HMGB1: variants seen among roughly 807,000 people sequenced by gnomAD.
HMGB1 encodes high mobility group box 1, also known as high mobility group protein B1.
For missense variants in HMGB1, 79 were observed against 253.5 expected, an observed-to-expected ratio of 0.31 and a Z score of 4.67; for synonymous variants, 81 against 84.0, an observed-to-expected ratio of 0.96 and a Z score of 0.19.
chr13:30,584,385 A>G (rs1253395360), intron 1 of HMGB1, among the ~76,000 whole-genome samples: 1 of 152,200 alleles, frequency 6.6e-6, no homozygotes, highest in Non-Finnish European at 1.5e-5. Context: ...TAGCGAAAGT[A>G]TTTATCCCAG....
chr13:30,554,531 C>T (rs1326967890), intron 1 of HMGB1: 10 of 850,050 alleles, frequency 1.2e-5, no homozygotes, highest in East Asian at 4.9e-5. Flanking sequence ...TATACAGAAA[C>T]GGTGGAAAGA....
chr13:30,485,711 C>T (rs1368542115), intron 1 of HMGB1, among the ~76,000 whole-genome samples: 1 of 152,138 alleles, frequency 6.6e-6, no homozygotes, highest in Admixed American at 6.5e-5. Flanking sequence ...GGTGAACCTA[C>T]AAGACTAGAA....
intron 1 of HMGB1, among the ~76,000 whole-genome samples, chr13:30,604,180 T>C (rs1190103587): frequency 6.6e-6 from 1 of 152,060 alleles, no homozygotes; most frequent in African/African-American, 2.4e-5. Flanking sequence ...GTATGTAAAT[T>C]GGTCAGGAAG....
At chr13:30,602,926 C>T (rs1486251104) in intron 1 of HMGB1, among the ~76,000 whole-genome samples, 1 of 152,200 alleles carries the variant, frequency 6.6e-6, no homozygotes, top group Non-Finnish European at 1.5e-5. Context: ...ACCTCAGCCT[C>T]CCAAGGAGCT....
At chr13:30,558,896 G>A (rs1869811826) in intron 1 of HMGB1, among the ~76,000 whole-genome samples, 2 of 152,174 alleles carry the variant, frequency 1.3e-5, no homozygotes, top group Non-Finnish European at 2.9e-5. Context: ...AAGGGATTCT[G>A]ATGCACGGTA....
intron 1 of HMGB1, among the ~76,000 whole-genome samples, chr13:30,547,056 G>T (rs544827662): frequency 6.6e-6 from 1 of 152,342 alleles, no homozygotes; most frequent in African/African-American, 2.4e-5. Context: ...AATGTGTGTG[G>T]CCCATGCCAA....
intron 1 of HMGB1, chr13:30,553,577 T>C (rs1869532349): frequency 3.7e-6 from 2 of 544,186 alleles, no homozygotes; most frequent in African/African-American, 3.8e-5. Flanking sequence ...CCTTGAGTAA[T>C]GATTGACTAT....
intron 1 of HMGB1, among the ~76,000 whole-genome samples, chr13:30,498,502 G>A (rs1474368806): frequency 6.6e-6 from 1 of 151,870 alleles, no homozygotes. Context: ...TGCTTCCTTT[G>A]CAAGGTCTAC....
chr13:30,529,374 A>G (rs1593292921), intron 1 of HMGB1, among the ~76,000 whole-genome samples: 1 of 152,204 alleles, frequency 6.6e-6, no homozygotes, highest in African/African-American at 2.4e-5. Flanking sequence ...CCTATGAACC[A>G]AGGACAACTA....
At chr13:30,582,838 AC>A (rs1291415199) in intron 1 of HMGB1, among the ~76,000 whole-genome samples, 2 of 152,238 alleles carry the variant, frequency 1.3e-5, no homozygotes, top group African/African-American at 4.8e-5. Context: ...ATCCATCAGC[AC>A]CCCACATCCA....
In HMGB1 at chr13:30,458,141, CTGAAA is replaced by C. The variant is rs1443583607; in HGVS notation, c.*3211_*3215del. Reference sequence around the variant, plus strand: ...ATCACATGCAAGTGTCTTACTGCTACTGAAAGCTATCAGACCCTTTCAGGAGGCGT... The same window carrying C: ...ATCACATGCAAGTGTCTTACTGCTACGCTATCAGACCCTTTCAGGAGGCGT... On this transcript the variant is annotated 3_prime_UTR_variant, in exon 5 of 5. Coordinates refer to ENST00000341423, the MANE Select transcript of HMGB1 (RefSeq NM_002128.7). 1.3e-5 allele frequency: 2 copies of C among 151,884 alleles called. No individual in the cohort carries two copies. The highest frequency in any genetic ancestry group is 2.4e-5 in the African/African-American group (1 of 41,194). 9.4% of individuals were successfully genotyped at this position (151,884 alleles called of 1,614,324 possible). A position where few individuals can be genotyped will look rare whatever the true frequency, so the allele number is the denominator to read the frequency against.
chr13:30,462,727 A>C lies in HMGB1; in HGVS notation c.297-15T>G, dbSNP rs377149884. On this transcript the variant is annotated splice_polypyrimidine_tract_variant and intron_variant, in intron 3 of 4. Transcript: ENST00000341423. ...AGAAGGCCGAACTAAAAAAAAAATT[A>C]ATTTTAGGATTTTAAGTTAACAGAT... The C allele has an allele frequency of 2.5e-6, 4 of 1,605,698 alleles. No homozygotes were observed. Among genetic ancestry groups the C allele is most frequent in the Non-Finnish European group, 3.4e-6 (4 of 1,174,816 alleles).
intron 1 of HMGB1, among the ~76,000 whole-genome samples, chr13:30,582,862 A>T (rs1566031769): frequency 1.3e-5 from 2 of 152,172 alleles, no homozygotes; most frequent in African/African-American, 2.4e-5. Flanking sequence ...CCATCAGTAC[A>T]TCCTGTCAGC....
chr13:30,505,243 ATC>A (rs942162999), intron 1 of HMGB1, among the ~76,000 whole-genome samples: 14 of 152,020 alleles, frequency 9.2e-5, no homozygotes, highest in Non-Finnish European at 1.5e-4. Context: ...CAGTGGCGCC[ATC>A]TCAGCTCACT....
intron 4 of HMGB1, chr13:30,461,830 G>C (rs906529021): frequency 7.6e-6 from 4 of 523,858 alleles, no homozygotes; most frequent in Non-Finnish European, 9.9e-6. Flanking sequence ...CCAGAATGTA[G>C]AGACTTTGAT....
intron 1 of HMGB1, chr13:30,554,733 G>T: frequency 1.3e-6 from 1 of 769,214 alleles, no homozygotes; most frequent in Non-Finnish European, 2.4e-6. Context: ...GGACAGAAAG[G>T]CCACCACAGC....
chr13:30,461,654 CTG>C lies in HMGB1; in HGVS notation c.472-123_472-122del, dbSNP rs756280652. The C allele has an allele frequency of 6.3e-6, 10 of 1,592,120 alleles. 1 individual carries two copies. The South Asian group carries it at 1.1e-4, about 18-fold the overall frequency. ...CTAGTTATACCAAAATATCACGTAT[CTG>C]TAGATCCACAGCAACTCCAGAAATA... On this transcript the variant is annotated intron_variant, in intron 4 of 4. Transcript: ENST00000341423.
rs562599230 is a variant in HMGB1 at position 30,554,043 on chromosome 13, C to T, written c.-15+62628G>A. Reference sequence around the variant, plus strand: ...GGAGAAAGAATCGGTTAAATGTGCGCAGTACTGGCCAACAGATGACCAAAA... The same window carrying T: ...GGAGAAAGAATCGGTTAAATGTGCGTAGTACTGGCCAACAGATGACCAAAA... On this transcript the variant is annotated intron_variant, in intron 1 of 4. Transcript: ENST00000405805. 9.2e-5 allele frequency: 130 copies of T among 1,418,088 alleles called. 1 individual carries two copies. The South Asian group carries it at 1.4e-3, about 15-fold the overall frequency. 87.8% of individuals were successfully genotyped at this position (1,418,088 alleles called of 1,614,324 possible).
chr13:30,531,522 G>A (rs1469277946), intron 1 of HMGB1, among the ~76,000 whole-genome samples: 3 of 149,642 alleles, frequency 2.0e-5, no homozygotes, highest in African/African-American at 7.5e-5. Flanking sequence ...GTGTGTGTGT[G>A]TGTGTGTGTG....
Sources: gnomAD v4.1 joint callset for allele counts (sites outside exome capture counted in the v4.1 genomes callset) on GRCh38, gnomAD v4.1.1 for gene constraint, MANE v1.5 for transcripts, NCBI Gene and HGNC (gene_info 2026-07-23, HGNC 2026-07-21) for gene names.